SPAG16: variants seen among roughly 807,000 people sequenced by gnomAD.
SPAG16 encodes sperm-associated antigen 16 protein.
SPAG16 carries 86 observed loss-of-function variants against 80.4 expected under a neutral mutation model. That is an observed-to-expected ratio of 1.07 (90% CI 0.90 to 1.28). SPAG16 has a LOEUF of 1.28. Among genes scored for constraint, SPAG16 ranks in the 50% most tolerant of loss-of-function variants. The pLI is 0.00. For missense variants in SPAG16, 870 were observed against 765.3 expected, an observed-to-expected ratio of 1.14 and a Z score of -1.61; for synonymous variants, 294 against 265.9, an observed-to-expected ratio of 1.11 and a Z score of -1.03.
At position 214,072,439 on chromosome 2, in the gene SPAG16, G is replaced by C. The variant is rs73987149; in HGVS notation, c.1528-35757G>C. On this transcript the variant is annotated intron_variant, in intron 13 of 15. Coordinates refer to ENST00000331683, the MANE Select transcript of SPAG16 (RefSeq NM_024532.5). ...TAACATCATACCACTCCTACACCCC[G>C]AACAATCCCACCCACCTTGAGTACA... is the stretch of plus-strand genomic sequence containing the variant. Among the ~76,000 whole-genome samples the C allele has an allele frequency of 2.6e-5, 4 of 151,852 alleles. No individual in the cohort carries two copies. In the East Asian group the frequency reaches 7.7e-4, roughly 29 times the overall value.
At chr2:214,086,690 G>A (rs1399267139) in intron 13 of SPAG16, among the ~76,000 whole-genome samples, 2 of 152,046 alleles carry the variant, frequency 1.3e-5, no homozygotes, top group Non-Finnish European at 2.9e-5. Context: ...CCAGTCTCCA[G>A]AAGTTCTTTA....
chr2:213,595,264 A>G (rs189112616), intron 10 of SPAG16, among the ~76,000 whole-genome samples: 21 of 152,280 alleles, frequency 1.4e-4, no homozygotes, highest in Admixed American at 7.2e-4. Flanking sequence ...ATTTCAATGT[A>G]ACTCTCATGC....
intron 15 of SPAG16, among the ~76,000 whole-genome samples, chr2:214,281,978 A>C (rs1042123428): frequency 6.6e-6 from 1 of 152,200 alleles, no homozygotes; most frequent in Non-Finnish European, 1.5e-5. Context: ...AACTGAAAGC[A>C]CATCAGTGGC....
chr2:213,451,172 A>C (rs1031471239), intron 9 of SPAG16, among the ~76,000 whole-genome samples: 7 of 152,224 alleles, frequency 4.6e-5, no homozygotes, highest in Non-Finnish European at 7.3e-5. Flanking sequence ...TTATGTATAT[A>C]AATAGGTTAT....
intron 1 of SPAG16, among the ~76,000 whole-genome samples, chr2:213,294,277 CTG>C (rs905232481): frequency 1.9e-4 from 29 of 152,196 alleles, no homozygotes; most frequent in African/African-American, 6.7e-4. Context: ...AGCTTTGAAA[CTG>C]GGGATTAGGG....
intron 12 of SPAG16, among the ~76,000 whole-genome samples, chr2:213,984,175 T>C (rs1261868315): frequency 6.6e-6 from 1 of 152,108 alleles, no homozygotes; most frequent in Non-Finnish European, 1.5e-5. Context: ...ACGAATATTA[T>C]CAACCAACTA....
intron 15 of SPAG16, among the ~76,000 whole-genome samples, chr2:214,356,686 T>C (rs754270455): frequency 9.2e-5 from 14 of 152,028 alleles, no homozygotes; most frequent in Non-Finnish European, 1.9e-4. Flanking sequence ...CCATGTTAAC[T>C]CTTCAGAACC....
chr2:214,126,580 A>T (rs2054508268), intron 14 of SPAG16, among the ~76,000 whole-genome samples: 1 of 151,806 alleles, frequency 6.6e-6, no homozygotes, highest in African/African-American at 2.4e-5. Flanking sequence ...GTACTTATGC[A>T]CATATTAAGA....
At chr2:213,493,932 G>A (rs1044499159) in intron 10 of SPAG16, among the ~76,000 whole-genome samples, 1 of 152,082 alleles carries the variant, frequency 6.6e-6, no homozygotes, top group Non-Finnish European at 1.5e-5. Context: ...ATTCTCCTCT[G>A]CCATCGGGTT....
At chr2:214,350,767 G>T (rs1698349493) in intron 15 of SPAG16, among the ~76,000 whole-genome samples, 2 of 152,116 alleles carry the variant, frequency 1.3e-5, no homozygotes, top group East Asian at 1.9e-4. Context: ...AAGCCTAGAA[G>T]CTAAAGAGAA....
chr2:213,605,367 C>T (rs1357338624), intron 10 of SPAG16, among the ~76,000 whole-genome samples: 3 of 151,392 alleles, frequency 2.0e-5, no homozygotes, highest in Non-Finnish European at 2.9e-5. Context: ...TCTGGGTTCA[C>T]ACCATTCTCT....
chr2:213,893,185 A>G (rs1448805864), intron 11 of SPAG16, among the ~76,000 whole-genome samples: 4 of 152,180 alleles, frequency 2.6e-5, no homozygotes, highest in Non-Finnish European at 5.9e-5. Flanking sequence ...GAAAAAGAAA[A>G]TCACCATACA....
At chr2:214,391,452 G>A (rs188144257) in intron 15 of SPAG16, among the ~76,000 whole-genome samples, 10 of 152,104 alleles carry the variant, frequency 6.6e-5, no homozygotes, top group African/African-American at 2.4e-4. Flanking sequence ...ATATAAATGG[G>A]AAAATTGGCA....
intron 12 of SPAG16, among the ~76,000 whole-genome samples, chr2:213,969,492 A>C (rs1263280347): frequency 6.6e-6 from 1 of 152,152 alleles, no homozygotes; most frequent in Non-Finnish European, 1.5e-5. Flanking sequence ...CTCCTCTCGC[A>C]GTGGGATTTA....
intron 12 of SPAG16, among the ~76,000 whole-genome samples, chr2:213,959,170 T>C (rs548545043): frequency 9.8e-5 from 15 of 152,328 alleles, no homozygotes; most frequent in African/African-American, 3.4e-4. Context: ...GCTTATTTCT[T>C]AGAATTTTCA....
intron 15 of SPAG16, among the ~76,000 whole-genome samples, chr2:214,308,355 T>C (rs752521889): frequency 1.9e-4 from 29 of 152,206 alleles, no homozygotes; most frequent in Non-Finnish European, 4.0e-4. Flanking sequence ...TGCCACTCTA[T>C]GTCTTTTAAT....
intron 15 of SPAG16, among the ~76,000 whole-genome samples, chr2:214,353,306 C>G (rs1698549409): frequency 6.6e-6 from 1 of 151,974 alleles, no homozygotes; most frequent in Admixed American, 6.6e-5. Flanking sequence ...AAAAAATCGA[C>G]AGTGATTTCC....
intron 10 of SPAG16, among the ~76,000 whole-genome samples, chr2:213,649,373 C>T (rs1474221537): frequency 6.6e-6 from 1 of 152,158 alleles, no homozygotes; most frequent in African/African-American, 2.4e-5. Flanking sequence ...GAGGAGGTAG[C>T]TGGGTGATGA....
intron 15 of SPAG16, among the ~76,000 whole-genome samples, chr2:214,250,608 T>G (rs952161423): frequency 6.8e-6 from 1 of 147,558 alleles, no homozygotes; most frequent in Admixed American, 6.8e-5. Context: ...TAAAGTAAAA[T>G]TAAAGCTCCT....
Sources: gnomAD v4.1 joint callset for allele counts (sites outside exome capture counted in the v4.1 genomes callset) on GRCh38, gnomAD v4.1.1 for gene constraint, MANE v1.5 for transcripts, NCBI Gene and HGNC (gene_info 2026-07-23, HGNC 2026-07-21) for gene names.